MEIS1: variants seen among roughly 807,000 people sequenced by gnomAD.
The protein encoded by MEIS1 is Meis homeobox 1, also known as homeobox protein Meis1.
Under a neutral mutation model 50.8 loss-of-function variants are expected in MEIS1, and 5 were observed. The ratio of observed to expected loss-of-function variants is 0.10; its 90% CI spans 0.05 to 0.21. The LOEUF is 0.21. Ranked by LOEUF, MEIS1 falls within the 10% of genes least tolerant of loss-of-function variation. MEIS1 has a pLI of 1.00. For missense variants in MEIS1, 318 were observed against 517.3 expected (o/e 0.61, Z 3.74); for synonymous variants, 176 against 179.3 (o/e 0.98, Z 0.15).
At chr2:66,493,144 A>G (rs958719487) in intron 7 of MEIS1, among the ~76,000 whole-genome samples, 1 of 152,238 alleles carries the variant, frequency 6.6e-6, no homozygotes, top group African/African-American at 2.4e-5. Context: ...TTTGCTTAAG[A>G]TATCAGCTGC....
In MEIS1 at chr2:66,568,738, A is replaced by T. The variant is rs570343772; in HGVS notation, c.1096A>T (p.Met366Leu). Residue 366 changes from methionine to leucine, a missense_variant, in exon 11 of 13, where the codon ATG becomes TTG. Met to Leu is a conservative substitution (Grantham distance 15). Transcript: ENST00000272369. ...GGFVMDGQQHMGIRAPGPMSG... is the reference protein window; with the variant it reads ...GGFVMDGQQHLGIRAPGPMSG... ...TTTCGTAATGGACGGTCAGCAACAT[A>T]TGGGAATTAGAGCACCAGGTAAGAC... is the stretch of plus-strand genomic sequence containing the variant. 2.0e-5 allele frequency: 33 copies of T among 1,613,762 alleles called. No individual in the cohort carries two copies. The highest frequency in any genetic ancestry group is 2.8e-5 in the Non-Finnish European group (33 of 1,179,698).
At chr2:66,443,313 A>G (rs1672045447) in intron 6 of MEIS1, 1 of 433,132 alleles carries the variant, frequency 2.3e-6, no homozygotes, top group Non-Finnish European at 4.0e-6. Flanking sequence ...TTTTGTCTTT[A>G]TTTTATTTAC....
At chr2:66,500,884 T>C (rs1673537975) in intron 7 of MEIS1, among the ~76,000 whole-genome samples, 1 of 152,202 alleles carries the variant, frequency 6.6e-6, no homozygotes, top group Admixed American at 6.5e-5. Context: ...CAGAGTAATA[T>C]AGAAGTTTAA....
chr2:66,554,064 C>T (rs939583404), intron 9 of MEIS1, among the ~76,000 whole-genome samples: 1 of 152,202 alleles, frequency 6.6e-6, no homozygotes, highest in African/African-American at 2.4e-5. Flanking sequence ...GGACAAGACA[C>T]TAGCTGGAAG....
chr2:66,555,442 T>C (rs1428505981), intron 9 of MEIS1, among the ~76,000 whole-genome samples: 1 of 152,128 alleles, frequency 6.6e-6, no homozygotes, highest in Admixed American at 6.6e-5. Context: ...CTTCTGTAAA[T>C]GTATTTTAGT....
intron 7 of MEIS1, among the ~76,000 whole-genome samples, chr2:66,467,055 G>A (rs1343528021): frequency 6.6e-6 from 1 of 152,120 alleles, no homozygotes; most frequent in Non-Finnish European, 1.5e-5. Context: ...GTGGAGGCAT[G>A]TAACAGGCTA....
chr2:66,527,637 TGTGTTGG>T (rs1448416052), intron 8 of MEIS1, among the ~76,000 whole-genome samples: 2 of 132,530 alleles, frequency 1.5e-5, no homozygotes, highest in Non-Finnish European at 3.3e-5. Flanking sequence ...TGTGTGTGTG[TGTGTTGG>T]GGGGGAGACA....
chr2:66,506,298 G>A (rs1673682863), intron 7 of MEIS1, among the ~76,000 whole-genome samples: 1 of 152,196 alleles, frequency 6.6e-6, no homozygotes, highest in African/African-American at 2.4e-5. Context: ...TAGAGGAGAT[G>A]GCCATTGAGC....
chr2:66,442,857 C>T (rs373872822), intron 5 of MEIS1, 45 bp from the exon 6 acceptor site: 48 of 1,520,984 alleles, frequency 3.2e-5, no homozygotes, highest in Non-Finnish European at 2.3e-5. Context: ...GTCATTTATG[C>T]ACTCCTGATT....
In MEIS1 at chr2:66,559,123, CAGAGAGAG is replaced by C. The variant is rs58790798; in HGVS notation, c.966-8308_966-8301del. ...AACCACTGCACTCCAGCCTGGGTGACAGAGAGAGAGAGAGAGAGAGAGAGAGAGACTCT... is the reference window on the plus strand; with the variant it reads ...AACCACTGCACTCCAGCCTGGGTGACAGAGAGAGAGAGAGAGAGAGACTCT... On this transcript the variant is annotated intron_variant, in intron 9 of 12. Coordinates refer to ENST00000272369, the MANE Select transcript of MEIS1 (RefSeq NM_002398.3). Among the ~76,000 whole-genome samples the C allele has an allele frequency of 8.6e-4, 127 of 147,936 alleles. No individual in the cohort carries two copies. The Middle Eastern group carries it at 0.01, about 12-fold the overall frequency.
chr2:66,488,189 A>G (rs1285549542), intron 7 of MEIS1, among the ~76,000 whole-genome samples: 1 of 152,132 alleles, frequency 6.6e-6, no homozygotes, highest in Non-Finnish European at 1.5e-5. Context: ...TTTTTTCTCC[A>G]GTATACTTTA....
intron 7 of MEIS1, among the ~76,000 whole-genome samples, chr2:66,497,279 A>G (rs1283202568): frequency 6.6e-6 from 1 of 152,226 alleles, no homozygotes; most frequent in African/African-American, 2.4e-5. Context: ...AAGGATTTGT[A>G]TTCCTTATCT....
intron 7 of MEIS1, among the ~76,000 whole-genome samples, chr2:66,493,196 GC>G (rs1175287647): frequency 6.6e-6 from 1 of 152,212 alleles, no homozygotes; most frequent in Non-Finnish European, 1.5e-5. Context: ...TTGCGGAAAT[GC>G]TGGCATTTAC....
intron 7 of MEIS1, among the ~76,000 whole-genome samples, chr2:66,494,593 T>C (rs1050019688): frequency 2.0e-5 from 3 of 152,214 alleles, no homozygotes; most frequent in African/African-American, 7.2e-5. Context: ...AAAGGTGGTG[T>C]AATATCAGCT....
At chr2:66,525,986 G>C (rs758999760) in intron 8 of MEIS1, among the ~76,000 whole-genome samples, 13 of 152,224 alleles carry the variant, frequency 8.5e-5, no homozygotes, top group Non-Finnish European at 5.9e-5. Context: ...GGAGAACTGC[G>C]TTTGTGCCTC....
At chr2:66,456,203 A>G (rs1442167191) in intron 6 of MEIS1, among the ~76,000 whole-genome samples, 1 of 149,974 alleles carries the variant, frequency 6.7e-6, no homozygotes, top group Admixed American at 6.7e-5. Flanking sequence ...TACCTATACA[A>G]ACTACCCACA....
intron 6 of MEIS1, among the ~76,000 whole-genome samples, chr2:66,460,447 C>T (rs911838684): frequency 6.6e-6 from 1 of 152,142 alleles, no homozygotes; most frequent in Non-Finnish European, 1.5e-5. Context: ...AGTGTTCTAG[C>T]TGTCAAAGAG....
chr2:66,502,613 C>T (rs146143327), intron 7 of MEIS1, among the ~76,000 whole-genome samples: 39 of 152,034 alleles, frequency 2.6e-4, no homozygotes, highest in African/African-American at 6.0e-4. Context: ...TGTTGGGAGA[C>T]GAAGAGGGTC....
chr2:66,529,572 G>C (rs539264314), intron 8 of MEIS1, among the ~76,000 whole-genome samples: 2 of 152,288 alleles, frequency 1.3e-5, no homozygotes, highest in African/African-American at 4.8e-5. Flanking sequence ...GAGTAGCTGG[G>C]ACTGTAGGCA....
Sources: allele counts gnomAD v4.1 joint callset (sites outside exome capture counted in the v4.1 genomes callset), GRCh38; gene constraint gnomAD v4.1.1; transcripts MANE v1.5; gene names NCBI Gene and HGNC (gene_info 2026-07-23, HGNC 2026-07-21).